GRID2: variants seen among roughly 807,000 people sequenced by gnomAD.
The protein encoded by GRID2 is glutamate ionotropic receptor delta type subunit 2.
A neutral mutation model predicts 114.8 loss-of-function variants in GRID2; 33 were observed. That is an observed-to-expected ratio of 0.29 (90% confidence interval 0.22 to 0.38). The LOEUF (loss-of-function observed/expected upper bound fraction) is 0.38, where lower values mean the gene tolerates loss of function less well. Ranked by LOEUF, GRID2 falls within the 10% of genes least tolerant of loss-of-function variation. GRID2 has a pLI of 1.00. For missense variants in GRID2, 1,184 were observed against 1,257.7 expected (o/e 0.94, Z 0.89); for synonymous variants, 505 against 449.9 (o/e 1.12, Z -1.55).
chr4:93,759,429 A>C (rs990070482), intron 14 of GRID2, among the ~76,000 whole-genome samples: 1 of 152,200 alleles, frequency 6.6e-6, no homozygotes, highest in Non-Finnish European at 1.5e-5. Context: ...TTTGAACATA[A>C]ATGTTGTTCT....
intron 1 of GRID2, among the ~76,000 whole-genome samples, chr4:92,500,901 T>C (rs999246104): frequency 3.9e-5 from 6 of 152,298 alleles, no homozygotes; most frequent in Middle Eastern, 3.4e-3. Flanking sequence ...CCAGTACTAT[T>C]CAGGTTACCA....
chr4:93,265,483 G>A lies in GRID2; in HGVS notation c.1245+26993G>A, dbSNP rs1057246118. ...GGTCATTGCTGGGTTCTTGGAAACC[G>A]CCACTTCAAAGGAAATTACATATAA... On this transcript the variant is annotated intron_variant, in intron 8 of 15. Coordinates refer to ENST00000282020, the MANE Select transcript of GRID2 (RefSeq NM_001510.4). Among the ~76,000 whole-genome samples, 6 of 152,024 alleles carry A rather than the reference G, an allele frequency of 3.9e-5. No individual in the cohort carries two copies. The East Asian group carries it at 5.8e-4, about 15-fold the overall frequency.
intron 2 of GRID2, among the ~76,000 whole-genome samples, chr4:92,758,036 T>C (rs1338475165): frequency 6.6e-6 from 1 of 152,062 alleles, no homozygotes; most frequent in Admixed American, 6.6e-5. Flanking sequence ...GAGATGTTTT[T>C]CTGTGAAAGG....
intron 4 of GRID2, among the ~76,000 whole-genome samples, chr4:93,194,160 G>T (rs1262209424): frequency 6.6e-6 from 1 of 152,110 alleles, no homozygotes; most frequent in African/African-American, 2.4e-5. Context: ...GGATATAATT[G>T]GTTGTCTATA....
intron 2 of GRID2, among the ~76,000 whole-genome samples, chr4:93,030,857 AAG>A (rs1181992178): frequency 1.4e-5 from 2 of 145,294 alleles, no homozygotes; most frequent in Admixed American, 6.8e-5. Context: ...GTGAGAAAAA[AAG>A]AGAGGAAAGG....
At chr4:92,514,851 A>C (rs1447537102) in intron 1 of GRID2, among the ~76,000 whole-genome samples, 1 of 151,836 alleles carries the variant, frequency 6.6e-6, no homozygotes, top group Non-Finnish European at 1.5e-5. Flanking sequence ...TCACAAAGTT[A>C]CCCCATGCCT....
At chr4:93,365,151 A>G (rs2149281201) in intron 8 of GRID2, among the ~76,000 whole-genome samples, 1 of 152,190 alleles carries the variant, frequency 6.6e-6, no homozygotes, top group East Asian at 1.9e-4. Flanking sequence ...ATGCAGCCAG[A>G]ATTTATGTGA....
chr4:93,592,580 G>C (rs902351798), intron 13 of GRID2, among the ~76,000 whole-genome samples: 1 of 152,048 alleles, frequency 6.6e-6, no homozygotes, highest in Non-Finnish European at 1.5e-5. Context: ...GGTCTGCTTG[G>C]TGCAGAGCTG....
In GRID2 at chr4:93,586,179, G is replaced by A. The variant is rs765298856; in HGVS notation, c.2194-40090G>A. Among the ~76,000 whole-genome samples, 4 of 151,840 alleles carry A rather than the reference G, an allele frequency of 2.6e-5. No homozygotes were observed. The East Asian group carries it at 7.7e-4, about 29-fold the overall frequency. ...TTCCAAACTAATCATATCATCCTTTGCCCAAAACCTGGCATTTCTGCAGAT... is the reference window on the plus strand; with the variant it reads ...TTCCAAACTAATCATATCATCCTTTACCCAAAACCTGGCATTTCTGCAGAT... On this transcript the variant is annotated intron_variant, in intron 13 of 15. Coordinates refer to ENST00000282020, the MANE Select transcript of GRID2 (RefSeq NM_001510.4).
At chr4:93,402,961 C>T (rs549159136) in intron 9 of GRID2, among the ~76,000 whole-genome samples, 1 of 152,082 alleles carries the variant, frequency 6.6e-6, no homozygotes. Context: ...CCTCAAAGTT[C>T]AAGCTTTTCT....
chr4:93,570,904 A>G (rs1293616545), intron 13 of GRID2, among the ~76,000 whole-genome samples: 2 of 152,140 alleles, frequency 1.3e-5, no homozygotes, highest in Non-Finnish European at 2.9e-5. Flanking sequence ...GATTTACAAA[A>G]TGGTAAATGG....
chr4:92,707,072 T>C (rs1734990780), intron 2 of GRID2, among the ~76,000 whole-genome samples: 1 of 152,168 alleles, frequency 6.6e-6, no homozygotes, highest in African/African-American at 2.4e-5. Flanking sequence ...TCTTAATTCT[T>C]CTGTAAATGT....
At chr4:93,253,388 A>C (rs770028759) in intron 8 of GRID2, among the ~76,000 whole-genome samples, 4 of 152,200 alleles carry the variant, frequency 2.6e-5, no homozygotes, top group Non-Finnish European at 5.9e-5. Flanking sequence ...ACATTTAAAA[A>C]TTATAGATTT....
intron 8 of GRID2, among the ~76,000 whole-genome samples, chr4:93,367,488 TG>T (rs1454064571): frequency 6.6e-6 from 1 of 152,192 alleles, no homozygotes; most frequent in Non-Finnish European, 1.5e-5. Flanking sequence ...GAAACATTAT[TG>T]TGAAAATTAC....
chr4:93,800,914 T>G (rs527645383), intron 1 of GRID2, among the ~76,000 whole-genome samples: 1 of 152,322 alleles, frequency 6.6e-6, no homozygotes, highest in Admixed American at 6.5e-5. Flanking sequence ...AAACACTGAA[T>G]GAATTCAATC....
In GRID2 at chr4:93,224,779, A is replaced by G. The variant is rs748097566; in HGVS notation, c.1125+4A>G. 1.3e-6 allele frequency: 2 copies of G among 1,591,794 alleles called. No individual in the cohort carries two copies. The highest frequency in any genetic ancestry group is 3.5e-5 in the Admixed American group (2 of 57,584). ...CATGTTGGAGACCATCAAGAAGGTA[A>G]CTTCTTAATTTTCATGTAAAAAGGA... On this transcript the variant is annotated splice_donor_region_variant and intron_variant, in intron 7 of 15. Transcript: ENST00000282020.
At chr4:93,092,187 T>TA (rs1379746880) in intron 3 of GRID2, among the ~76,000 whole-genome samples, 1 of 152,096 alleles carries the variant, frequency 6.6e-6, no homozygotes, top group East Asian at 1.9e-4. Context: ...GCGAGGAAGA[T>TA]ACGCTGAGTT....
chr4:92,982,022 TAAAAAAA>T (rs1161216679), intron 2 of GRID2, among the ~76,000 whole-genome samples: 30 of 80,196 alleles, frequency 3.7e-4, no homozygotes, highest in Admixed American at 5.6e-4. Context: ...AAAGTACTGG[TAAAAAAA>T]AAAAAAAAAA....
At chr4:93,699,701 GA>G (rs1727341041) in intron 14 of GRID2, among the ~76,000 whole-genome samples, 1 of 152,066 alleles carries the variant, frequency 6.6e-6, no homozygotes, top group South Asian at 2.1e-4. Context: ...GTATGAAAGG[GA>G]GAGTCCTGAA....
Sources: gnomAD v4.1 joint callset for allele counts (sites outside exome capture counted in the v4.1 genomes callset) on GRCh38, gnomAD v4.1.1 for gene constraint, MANE v1.5 for transcripts, NCBI Gene and HGNC (gene_info 2026-07-23, HGNC 2026-07-21) for gene names.